Variants in SLC12A8 observed in about 807,000 individuals in gnomAD.
SLC12A8 encodes solute carrier family 12 member 8.
A neutral mutation model predicts 75.6 loss-of-function variants in SLC12A8; 69 were observed. That is an observed-to-expected ratio of 0.91 (90% confidence interval 0.75 to 1.11). The LOEUF (loss-of-function observed/expected upper bound fraction) is 1.11, where lower values mean the gene tolerates loss of function less well. SLC12A8 is among the 50% of genes most tolerant of loss of function. The probability of loss-of-function intolerance (pLI) is 0.00; values close to 1 mark genes in which losing one functional copy is unlikely to be tolerated. For missense variants in SLC12A8, 877 were observed against 896.7 expected (o/e 0.98, Z 0.28); for synonymous variants, 365 against 372.8 (o/e 0.98, Z 0.24).
At chr3:125,100,337 C>G (rs1305756221) in intron 10 of SLC12A8, among the ~76,000 whole-genome samples, 5 of 152,072 alleles carry the variant, frequency 3.3e-5, no homozygotes, top group African/African-American at 1.2e-4. Context: ...TGTACATACA[C>G]CTAATTATCA....
chr3:125,138,563 C>CATTT (rs3061219), intron 5 of SLC12A8, among the ~76,000 whole-genome samples: 151,261 of 152,272 alleles, frequency 0.99, 75,135 homozygotes, highest in East Asian at 1. Flanking sequence ...AACTGGATGC[C>CATTT]ATAGTATAAA....
chr3:125,091,403 T>A (rs750866241), intron 12 of SLC12A8, 36 bp downstream of exon 12: 5 of 1,361,652 alleles, frequency 3.7e-6, no homozygotes, highest in Non-Finnish European at 5.3e-6. Flanking sequence ...GTAGAGAGAA[T>A]GAGGGAACCA....
intron 10 of SLC12A8, among the ~76,000 whole-genome samples, chr3:125,105,897 G>T (rs1483747101): frequency 6.6e-6 from 1 of 152,176 alleles, no homozygotes; most frequent in Non-Finnish European, 1.5e-5. Context: ...GGGTGTGGTG[G>T]TGGGTCCCTG....
In SLC12A8 at chr3:125,083,733, A is replaced by C; in HGVS notation, c.*157T>G. ...CGAGACTCTGTCTCAAAAAAAAAAA[A>C]AAAGGGAAAAGAAAATGTAGATTTC... is the stretch of plus-strand genomic sequence containing the variant. On this transcript the variant is annotated 3_prime_UTR_variant, in exon 14 of 14. Coordinates refer to ENST00000469902, the MANE Select transcript of SLC12A8 (RefSeq NM_024628.6). 1.2e-6 allele frequency: 1 copy of C among 807,154 alleles called. No individual in the cohort carries two copies. Among genetic ancestry groups the C allele is most frequent in the Non-Finnish European group, 1.9e-6 (1 of 536,494 alleles). The allele number at this position is 807,154 out of a possible 1,614,324, so 50.0% of individuals were successfully genotyped here.
chr3:125,162,682 C>T (rs931024691), intron 5 of SLC12A8, among the ~76,000 whole-genome samples: 2 of 152,228 alleles, frequency 1.3e-5, no homozygotes, highest in Non-Finnish European at 2.9e-5. Context: ...GTAAACTTTT[C>T]AAGACTAAAT....
intron 5 of SLC12A8, among the ~76,000 whole-genome samples, chr3:125,147,602 G>A (rs758515894): frequency 6.6e-6 from 1 of 152,160 alleles, no homozygotes; most frequent in Non-Finnish European, 1.5e-5. Flanking sequence ...GCAGTCACTG[G>A]GGTGCTGGAT....
rs1475568853 is a variant in SLC12A8, at chr3:125,088,314, A to G, written c.1978T>C (p.Cys660Arg). The G allele has an allele frequency of 1.4e-5, 22 of 1,614,182 alleles. No homozygotes were observed. The highest frequency in any genetic ancestry group is 1.9e-5 in the Non-Finnish European group (22 of 1,180,010). Residue 660 changes from cysteine (C) to arginine (R), a missense_variant, in exon 13 of 14, where the codon TGC becomes CGC. Physicochemically the swap from Cys to Arg is radical, Grantham distance 180. Coordinates refer to ENST00000469902, the MANE Select transcript of SLC12A8 (RefSeq NM_024628.6). ...RWMRSLLLPS[C>R]RSLRSPQEQI... Reference sequence around the variant, plus strand: ...TGGCTCCAAATTGGCACAGACCTGCAGGAGGGGAGCAAGAGAGACCTCATC... The same window carrying G: ...TGGCTCCAAATTGGCACAGACCTGCGGGAGGGGAGCAAGAGAGACCTCATC...
rs971220061 is a variant in SLC12A8 at position 125,110,449 on chromosome 3, C to G, written c.913-114G>C. 7 of 1,021,618 alleles carry G rather than the reference C, an allele frequency of 6.9e-6. No individual in the cohort carries two copies. In the African/African-American group the frequency reaches 1.1e-4, roughly 16 times the overall value. 63.3% of individuals were successfully genotyped at this position (1,021,618 alleles called of 1,614,324 possible). A position where few individuals can be genotyped will look rare whatever the true frequency, so the allele number is the denominator to read the frequency against. ...CAATCATCCACTGAGTCGTCTAGATCTGATCCCTGGGATACAGTTTCCACA... is the reference window on the plus strand; with the variant it reads ...CAATCATCCACTGAGTCGTCTAGATGTGATCCCTGGGATACAGTTTCCACA... On this transcript the variant is annotated intron_variant, in intron 8 of 13. Transcript: ENST00000469902.
At chr3:125,211,133 A>G (rs1935329568) in intron 2 of SLC12A8, among the ~76,000 whole-genome samples, 166 bp downstream of exon 2, 1 of 152,260 alleles carries the variant, frequency 6.6e-6, no homozygotes, top group African/African-American at 2.4e-5. Flanking sequence ...AATAATGGCT[A>G]TAATATTTTG....
intron 5 of SLC12A8, among the ~76,000 whole-genome samples, chr3:125,177,321 G>A (rs889281250): frequency 1.5e-5 from 2 of 134,070 alleles, no homozygotes; most frequent in African/African-American, 2.8e-5. Context: ...ACCAGGGACT[G>A]TTGTGGGGTG....
rs118031981 is a variant in SLC12A8 at position 125,207,760 on chromosome 3, G to A, written c.51+3539C>T. On this transcript the variant is annotated intron_variant, in intron 2 of 13. Coordinates refer to ENST00000469902, the MANE Select transcript of SLC12A8 (RefSeq NM_024628.6). ...TGGCACAGACAAGCACCCAATCATG[G>A]CTCATTAGCCTTCTGTTCACCTCCC... Among the ~76,000 whole-genome samples the A allele has an allele frequency of 3.2e-4, 48 of 152,256 alleles. No homozygotes were observed. The East Asian group carries it at 9.3e-3, about 29-fold the overall frequency.
chr3:125,102,123 T>C (rs1938892025), intron 10 of SLC12A8, among the ~76,000 whole-genome samples: 1 of 152,172 alleles, frequency 6.6e-6, no homozygotes, highest in African/African-American at 2.4e-5. Flanking sequence ...ATGAATCAAA[T>C]GTTATGGTTG....
chr3:125,140,414 G>T lies in SLC12A8; in HGVS notation c.623-4632C>A, dbSNP rs35278457. ...AGCCAGGCCTCTCTCCAGGAGGTGG[G>T]TTCCCAGGCCCTGGCACTGCACCCC... On this transcript the variant is annotated intron_variant, in intron 5 of 13. Transcript: ENST00000469902. 1.2e-3 allele frequency among the ~76,000 whole-genome samples: 190 copies of T among 152,162 alleles called. 1 individual carries two copies. The highest frequency in any genetic ancestry group is 2.0e-3 in the Non-Finnish European group (138 of 68,020).
intron 6 of SLC12A8, among the ~76,000 whole-genome samples, chr3:125,133,379 A>ACGCACACACACACACAC (rs755281462): frequency 3.8e-5 from 2 of 52,334 alleles, no homozygotes; most frequent in Non-Finnish European, 1.3e-4. Context: ...ACACACACAC[A>ACGCACACACACACACAC]ATTTTTTTTT....
At chr3:125,100,832 T>TAGA (rs1452685114) in intron 10 of SLC12A8, among the ~76,000 whole-genome samples, 1 of 147,084 alleles carries the variant, frequency 6.8e-6, no homozygotes, top group Non-Finnish European at 1.5e-5. Context: ...GCTAACAAGG[T>TAGA]GAAACCCCGT....
chr3:125,180,505 C>T (rs1242706772), intron 4 of SLC12A8, among the ~76,000 whole-genome samples: 1 of 152,018 alleles, frequency 6.6e-6, no homozygotes, highest in Non-Finnish European at 1.5e-5. Flanking sequence ...CTAGCCTGGG[C>T]AACATGGTGA....
intron 5 of SLC12A8, among the ~76,000 whole-genome samples, chr3:125,165,855 C>T (rs1236664173): frequency 6.6e-6 from 1 of 152,326 alleles, no homozygotes; most frequent in African/African-American, 2.4e-5. Context: ...CCAGAACATC[C>T]ATGTGTTCCC....
chr3:125,146,481 ACAAT>A (rs1412439932), intron 5 of SLC12A8, among the ~76,000 whole-genome samples: 2 of 152,354 alleles, frequency 1.3e-5, no homozygotes, highest in East Asian at 1.9e-4. Flanking sequence ...AAACAAACAA[ACAAT>A]CAAACAAAAC....
At chr3:125,162,510 T>G (rs1010446859) in intron 5 of SLC12A8, among the ~76,000 whole-genome samples, 6 of 152,162 alleles carry the variant, frequency 3.9e-5, no homozygotes, top group Non-Finnish European at 8.8e-5. Context: ...GTGGTGCAGA[T>G]CCACCAGCCC....
Sources: gnomAD v4.1 joint callset for allele counts (sites outside exome capture counted in the v4.1 genomes callset) on GRCh38, gnomAD v4.1.1 for gene constraint, MANE v1.5 for transcripts, NCBI Gene and HGNC (gene_info 2026-07-23, HGNC 2026-07-21) for gene names.